NOX4: variants seen among roughly 807,000 people sequenced by gnomAD.
The protein encoded by NOX4 is kidney oxidase-1.
NOX4 carries 69 observed loss-of-function variants against 87.6 expected under a neutral mutation model. That is an observed-to-expected ratio of 0.79 (90% CI 0.65 to 0.96). The LOEUF (loss-of-function observed/expected upper bound fraction) is 0.96, where lower values mean the gene tolerates loss of function less well. NOX4 is among the 40% of genes least tolerant of loss of function. NOX4 has a pLI of 0.00. For missense variants in NOX4, 680 were observed against 681.5 expected (o/e 1.00, Z 0.02); for synonymous variants, 275 against 238.2 (o/e 1.15, Z -1.42).
intron 11 of NOX4, among the ~76,000 whole-genome samples, chr11:89,381,300 T>C (rs1162581987): frequency 6.6e-6 from 1 of 152,110 alleles, no homozygotes; most frequent in Non-Finnish European, 1.5e-5. Flanking sequence ...GGAAAGCATG[T>C]TTGTGTCAGG....
At chr11:89,556,901 A>G in the NOX4 span, 1 of 152,102 alleles carries the variant, frequency 6.6e-6, no homozygotes, top group Non-Finnish European at 1.5e-5. Context: ...TCCTGCAACA[A>G]TGGTCTGGGC....
rs1457161000 is a variant in NOX4, at chr11:89,440,734, A to T, written c.448-19T>A. The T allele has an allele frequency of 3.5e-6, 5 of 1,447,442 alleles. No individual in the cohort carries two copies. Among genetic ancestry groups the T allele is most frequent in the Non-Finnish European group, 4.8e-6 (5 of 1,046,956 alleles). The allele number at this position is 1,447,442 out of a possible 1,614,324, so 89.7% of individuals were successfully genotyped here. A position where few individuals can be genotyped will look rare whatever the true frequency, so the allele number is the denominator to read the frequency against. ...TAGGATCCTGAGAAAAAGAAAAAAA[A>T]ATAAATGATTAAAAACTAAAGCACT... On this transcript the variant is annotated intron_variant, in intron 5 of 17. Transcript: ENST00000263317.
At chr11:89,531,584 A>T in the NOX4 span, among the ~76,000 whole-genome samples, 1 of 152,190 alleles carries the variant, frequency 6.6e-6, no homozygotes, top group Non-Finnish European at 1.5e-5. Flanking sequence ...TGACTGGGTC[A>T]TGGGGGCAGT....
intron 2 of NOX4, among the ~76,000 whole-genome samples, chr11:89,471,742 G>T (rs1945952230): frequency 6.6e-6 from 1 of 152,030 alleles, no homozygotes; most frequent in South Asian, 2.1e-4. Context: ...TTGTTTGTTT[G>T]TTTGTTTGTT....
chr11:89,461,751 C>T (rs1945478057), intron 2 of NOX4, among the ~76,000 whole-genome samples: 1 of 152,000 alleles, frequency 6.6e-6, no homozygotes, highest in Admixed American at 6.6e-5. Context: ...CATTACAGAA[C>T]ATCTTATAAG....
At chr11:89,422,186 G>T (rs1943118787) in intron 7 of NOX4, among the ~76,000 whole-genome samples, 1 of 152,072 alleles carries the variant, frequency 6.6e-6, no homozygotes, top group Non-Finnish European at 1.5e-5. Flanking sequence ...TTATCATTTT[G>T]TAAGTTCTTT....
chr11:89,432,746 G>A (rs959475117), intron 7 of NOX4, 38 bp downstream of exon 7: 3 of 1,418,446 alleles, frequency 2.1e-6, no homozygotes, highest in African/African-American at 2.8e-5. Context: ...TAAATAACCT[G>A]ACAGATACAC....
At chr11:89,380,729 T>A (rs1034978199) in intron 11 of NOX4, among the ~76,000 whole-genome samples, 7 of 152,174 alleles carry the variant, frequency 4.6e-5, no homozygotes, top group African/African-American at 1.7e-4. Context: ...AGTTAGATGA[T>A]GTTTACATCT....
At chr11:89,356,959 G>A (rs397843641) in intron 12 of NOX4, among the ~76,000 whole-genome samples, 1 of 152,108 alleles carries the variant, frequency 6.6e-6, no homozygotes, top group Non-Finnish European at 1.5e-5. Flanking sequence ...GCACAGTCAG[G>A]CTTAGATAGT....
upstream of NOX4, chr11:89,492,332 G>C (rs997345635): frequency 1.1e-4 from 16 of 152,148 alleles, no homozygotes; most frequent in Non-Finnish European, 2.1e-4. Flanking sequence ...AACTTTTCTA[G>C]ATTTAACAAC....
At chr11:89,506,000 A>G in the NOX4 span, among the ~76,000 whole-genome samples, 3 of 151,870 alleles carry the variant, frequency 2.0e-5, no homozygotes, top group African/African-American at 4.8e-5. Flanking sequence ...GAGAGTTTCT[A>G]TGTTGAGGCA....
intron 2 of NOX4, among the ~76,000 whole-genome samples, chr11:89,481,274 T>C (rs1419799854): frequency 6.6e-6 from 1 of 151,422 alleles, no homozygotes; most frequent in African/African-American, 2.4e-5. Flanking sequence ...TGTGTGTGTG[T>C]ATATATATAT....
intron 4 of NOX4, among the ~76,000 whole-genome samples, chr11:89,445,974 G>A (rs1010678658): frequency 6.6e-6 from 1 of 151,930 alleles, no homozygotes; most frequent in African/African-American, 2.4e-5. Context: ...TATCGATAAA[G>A]GATTATTATC....
intron 8 of NOX4, among the ~76,000 whole-genome samples, chr11:89,420,635 T>C (rs1591181968): frequency 6.6e-6 from 1 of 152,242 alleles, no homozygotes; most frequent in East Asian, 1.9e-4. Flanking sequence ...ACAGTTTGAA[T>C]ATGTACCCTG....
At position 89,398,315 on chromosome 11, in the gene NOX4, C is replaced by G. The variant is rs184416449; in HGVS notation, c.1074+1702G>C. Among the ~76,000 whole-genome samples the G allele has an allele frequency of 1.8e-4, 28 of 152,076 alleles. No individual in the cohort carries two copies. The East Asian group carries it at 4.3e-3, about 23-fold the overall frequency. Reference sequence around the variant, plus strand: ...TAAACTAGATATTGATGGAACGTATCTCAAAATAATAAGAGCTATTTATAA... The same window carrying G: ...TAAACTAGATATTGATGGAACGTATGTCAAAATAATAAGAGCTATTTATAA... On this transcript the variant is annotated intron_variant, in intron 11 of 17. Coordinates refer to ENST00000263317, the MANE Select transcript of NOX4 (RefSeq NM_016931.5).
At chr11:89,443,246 C>T (rs542395787) in intron 5 of NOX4, among the ~76,000 whole-genome samples, 46 of 152,160 alleles carry the variant, frequency 3.0e-4, no homozygotes, top group Admixed American at 2.8e-3. Context: ...TTACTTTTTC[C>T]TCTGTTTTGT....
At position 89,444,240 on chromosome 11, in the gene NOX4, A is replaced by T; in HGVS notation, c.350-8T>A. 1 of 1,611,198 alleles carries T rather than the reference A, an allele frequency of 6.2e-7. No homozygotes were observed. The highest frequency in any genetic ancestry group is 8.5e-7 in the Non-Finnish European group (1 of 1,177,616). ...GGGCAGCCACATGCACGCCTACAGAATTACACCAGGGGTAAGTTAGTGGGA... is the reference window on the plus strand; with the variant it reads ...GGGCAGCCACATGCACGCCTACAGATTTACACCAGGGGTAAGTTAGTGGGA... On this transcript the variant is annotated splice_polypyrimidine_tract_variant and splice_region_variant and intron_variant, in intron 4 of 17. Coordinates refer to ENST00000263317, the MANE Select transcript of NOX4 (RefSeq NM_016931.5).
chr11:89,428,519 G>C (rs771794148), intron 7 of NOX4, among the ~76,000 whole-genome samples: 1 of 151,790 alleles, frequency 6.6e-6, no homozygotes. Context: ...GATGGAGGAA[G>C]ATCTACCAAG....
chr11:89,416,104 C>A (rs1339273527), intron 8 of NOX4, among the ~76,000 whole-genome samples: 1 of 152,080 alleles, frequency 6.6e-6, no homozygotes, highest in East Asian at 1.9e-4. Flanking sequence ...AGGTAGAATA[C>A]CTGTATGACC....
Sources: gnomAD v4.1 joint callset for allele counts (sites outside exome capture counted in the v4.1 genomes callset) on GRCh38, gnomAD v4.1.1 for gene constraint, MANE v1.5 for transcripts, NCBI Gene and HGNC (gene_info 2026-07-23, HGNC 2026-07-21) for gene names.